Variants in PLCB4 observed in about 807,000 individuals in gnomAD.
PLCB4 encodes 1-phosphatidylinositol 4,5-bisphosphate phosphodiesterase beta-4.
A neutral mutation model predicts 178.8 loss-of-function variants in PLCB4; 77 were observed. That is an observed-to-expected ratio of 0.43 (90% confidence interval 0.36 to 0.52). The LOEUF (loss-of-function observed/expected upper bound fraction) is 0.52, where lower values mean the gene tolerates loss of function less well. Ranked by LOEUF, PLCB4 falls within the 20% of genes least tolerant of loss-of-function variation. The pLI is 0.00. For synonymous variants in PLCB4, 496 were observed against 490.8 expected (o/e 1.01, Z -0.14); for missense variants, 1,024 against 1,453.4 (o/e 0.70, Z 4.80).
chr20:9,442,407 T>C (rs1255505705), intron 30 of PLCB4, among the ~76,000 whole-genome samples: 1 of 151,986 alleles, frequency 6.6e-6, no homozygotes, highest in African/African-American at 2.4e-5. Context: ...AAATCACTTA[T>C]GGGAATCAAC....
At position 9,461,283 on chromosome 20, in the gene PLCB4, C is replaced by T. The variant is rs1482449621; in HGVS notation, c.3248+1473C>T. 2.0e-5 allele frequency among the ~76,000 whole-genome samples: 3 copies of T among 152,170 alleles called. No homozygotes were observed. In the South Asian group the frequency reaches 6.2e-4, roughly 32 times the overall value. On this transcript the variant is annotated intron_variant, in intron 35 of 39. Transcript: ENST00000378473. ...ATACTTTAAAAAATAAATCCATGGG[C>T]TTCATTCCAAGATGGCTGAATAAGA...
intron 4 of PLCB4, among the ~76,000 whole-genome samples, chr20:9,323,135 C>G (rs1335357765): frequency 1.3e-5 from 2 of 152,166 alleles, no homozygotes; most frequent in African/African-American, 2.4e-5. Context: ...ATTTCGCTGT[C>G]CCATTGATAT....
rs2071968620 is a variant in PLCB4 at position 9,387,495 on chromosome 20, G to A, written c.1097G>A (p.Gly366Asp). 6.3e-7 allele frequency: 1 copy of A among 1,599,950 alleles called. No individual in the cohort carries two copies. Among genetic ancestry groups the A allele is most frequent in the Non-Finnish European group, 8.6e-7 (1 of 1,169,298 alleles). The change falls in exon 15 of 40, where the codon GGT becomes GAT. Residue 366 changes from glycine to aspartate, a missense_variant. Coordinates refer to ENST00000378473, the MANE Select transcript of PLCB4 (RefSeq NM_001377142.1). The part of the protein sequence containing the change: ...CVELDCWDGK[G>D]EDQEPIITHG... The stretch of plus-strand genomic sequence containing the variant: ...GAACTTGACTGCTGGGATGGAAAAG[G>A]TGAAGACCAAGAACCAATAATAACT...
chr20:9,161,943 A>G (rs1182487712), intron 2 of PLCB4, among the ~76,000 whole-genome samples: 2 of 152,216 alleles, frequency 1.3e-5, no homozygotes, highest in Non-Finnish European at 2.9e-5. Flanking sequence ...AATGCCGATA[A>G]TCACTGATAC....
intron 2 of PLCB4, among the ~76,000 whole-genome samples, chr20:9,182,260 A>G (rs1385828289): frequency 6.6e-6 from 1 of 152,142 alleles, no homozygotes; most frequent in Non-Finnish European, 1.5e-5. Flanking sequence ...TACCCCATGT[A>G]AAGTGAGTAA....
chr20:9,352,186 A>C (rs544651474), intron 7 of PLCB4, among the ~76,000 whole-genome samples: 1 of 152,232 alleles, frequency 6.6e-6, no homozygotes, highest in South Asian at 2.1e-4. Context: ...CTGGGGATGT[A>C]GGAATGTAGT....
chr20:9,078,532 T>A (rs1313631407), intron 1 of PLCB4, among the ~76,000 whole-genome samples: 1 of 151,874 alleles, frequency 6.6e-6, no homozygotes, highest in African/African-American at 2.4e-5. Flanking sequence ...CGGCTAATTT[T>A]TGTATTTTTA....
chr20:9,100,308 T>C (rs978664454), intron 2 of PLCB4, among the ~76,000 whole-genome samples: 1 of 152,154 alleles, frequency 6.6e-6, no homozygotes, highest in African/African-American at 2.4e-5. Flanking sequence ...GCTGGACTAG[T>C]CTCCCTTGTT....
At chr20:9,316,081 A>C (rs945257227) in intron 4 of PLCB4, among the ~76,000 whole-genome samples, 1 of 152,158 alleles carries the variant, frequency 6.6e-6, no homozygotes, top group Admixed American at 6.5e-5. Flanking sequence ...TGGAGTGAGC[A>C]TCATGGTCAG....
intron 19 of PLCB4, 98 bp downstream of exon 19, chr20:9,395,716 C>A (rs2038526622): frequency 3.6e-6 from 3 of 836,804 alleles, no homozygotes; most frequent in African/African-American, 1.7e-5. Context: ...ATAATCCCAG[C>A]ACTTGGGGAG....
chr20:9,176,683 A>G (rs1422407428), intron 2 of PLCB4, among the ~76,000 whole-genome samples: 1 of 152,198 alleles, frequency 6.6e-6, no homozygotes, highest in Non-Finnish European at 1.5e-5. Flanking sequence ...TTATGCATAA[A>G]ATTCCAACCC....
Position 9,469,115 on chromosome 20 carries a change from G to A in PLCB4, c.3350+443G>A, listed in dbSNP as rs147034118. On this transcript the variant is annotated intron_variant, in intron 36 of 39. Transcript: ENST00000378473. ...CCTGCCTGAGCCTCCCTAGTAGCTG[G>A]GATTACAGGCATGCACCACCACACC... is the stretch of plus-strand genomic sequence containing the variant. Among the ~76,000 whole-genome samples, 1,377 of 152,018 alleles carry A rather than the reference G, an allele frequency of 9.1e-3. 25 individuals carry two copies. Among genetic ancestry groups the A allele is most frequent in the African/African-American group, 0.032 (1,317 of 41,424 alleles).
intron 3 of PLCB4, among the ~76,000 whole-genome samples, chr20:9,249,211 C>CT (rs926074828): frequency 1.0e-3 from 150 of 148,790 alleles, no homozygotes; most frequent in Non-Finnish European, 1.7e-3. Flanking sequence ...TTAATGCCAG[C>CT]TTTTTTTTTT....
intron 7 of PLCB4, among the ~76,000 whole-genome samples, chr20:9,355,656 A>G (rs1429103578): frequency 6.6e-6 from 1 of 151,846 alleles, no homozygotes; most frequent in Non-Finnish European, 1.5e-5. Flanking sequence ...ATAGTATTCC[A>G]TGGTGTATAT....
chr20:9,217,895 A>G (rs544168662), intron 3 of PLCB4, among the ~76,000 whole-genome samples: 1 of 152,286 alleles, frequency 6.6e-6, no homozygotes, highest in Admixed American at 6.5e-5. Context: ...TGGGGGAACT[A>G]CCAGGGGATG....
At chr20:9,424,087 C>A in intron 28 of PLCB4, 135 bp downstream of exon 28, 1 of 632,018 alleles carries the variant, frequency 1.6e-6, no homozygotes, top group Non-Finnish European at 2.8e-6. Context: ...CCCTGATTAC[C>A]TTGAATACAT....
At chr20:9,438,045 G>T (rs369405740) in intron 30 of PLCB4, among the ~76,000 whole-genome samples, 124 of 152,196 alleles carry the variant, frequency 8.1e-4, no homozygotes, top group African/African-American at 2.8e-3. Context: ...GTTGGAAATT[G>T]TCAAAAGGAA....
chr20:9,174,300 C>G (rs934803457), intron 2 of PLCB4, among the ~76,000 whole-genome samples: 1 of 151,862 alleles, frequency 6.6e-6, no homozygotes, highest in Admixed American at 6.6e-5. Flanking sequence ...CCATGCCTAG[C>G]TAATTTTTTT....
chr20:9,179,548 GT>G (rs1390353043), intron 2 of PLCB4, among the ~76,000 whole-genome samples: 2 of 152,184 alleles, frequency 1.3e-5, no homozygotes, highest in African/African-American at 4.8e-5. Flanking sequence ...ACATATTTGT[GT>G]TGTTTAAAGC....
Sources: gnomAD v4.1 joint callset for allele counts (sites outside exome capture counted in the v4.1 genomes callset) on GRCh38, gnomAD v4.1.1 for gene constraint, MANE v1.5 for transcripts, NCBI Gene and HGNC (gene_info 2026-07-23, HGNC 2026-07-21) for gene names.